Variants in UBE2W observed in about 807,000 individuals in gnomAD.
The protein encoded by UBE2W is ubiquitin conjugating enzyme E2 W, also known as ubiquitin-conjugating enzyme E2 W.
A neutral mutation model predicts 27.2 loss-of-function variants in UBE2W; 18 were observed. That is an observed-to-expected ratio of 0.66 (90% CI 0.46 to 0.98). The LOEUF is 0.98. Ranked by LOEUF, UBE2W falls within the 50% of genes least tolerant of loss-of-function variation. The probability of loss-of-function intolerance (pLI) is 0.00; values close to 1 mark genes in which losing one functional copy is unlikely to be tolerated. For synonymous variants in UBE2W, 53 were observed against 57.2 expected (o/e 0.93, Z 0.33); for missense variants, 90 against 180.2 (o/e 0.50, Z 2.87).
downstream of UBE2W, among the ~76,000 whole-genome samples, chr8:73,783,792 T>G (rs1807886355): frequency 6.6e-6 from 1 of 152,192 alleles, no homozygotes; most frequent in South Asian, 2.1e-4. Context: ...AGATGGAGGC[T>G]TGCTCGGTTG....
At position 73,792,122 on chromosome 8, in the gene UBE2W, C is replaced by T. The variant is rs1808230004; in HGVS notation, c.*1980G>A. ...AGCAGTTACGCAAAATATGAAAATA[C>T]ATAATTTACAGCTGCAATTTTCATA... On this transcript the variant is annotated 3_prime_UTR_variant, in exon 6 of 6. Transcript: ENST00000602593. 1 of 984,982 alleles carries T rather than the reference C, an allele frequency of 1.0e-6. No individual in the cohort carries two copies. The highest frequency in any genetic ancestry group is 1.2e-6 in the Non-Finnish European group (1 of 829,730). 61.0% of individuals were successfully genotyped at this position (984,982 alleles called of 1,614,324 possible). A position where few individuals can be genotyped will look rare whatever the true frequency, so the allele number is the denominator to read the frequency against.
At chr8:73,840,504 T>C (rs1337542381) in intron 1 of UBE2W, among the ~76,000 whole-genome samples, 2 of 152,270 alleles carry the variant, frequency 1.3e-5, no homozygotes, top group African/African-American at 4.8e-5. Context: ...GAACAGAATA[T>C]ATCCTTCTGA....
At chr8:73,835,326 C>A (rs544296462) in intron 1 of UBE2W, among the ~76,000 whole-genome samples, 174 of 152,238 alleles carry the variant, frequency 1.1e-3, no homozygotes, top group East Asian at 6.2e-3. Flanking sequence ...TAATTCCCAA[C>A]AAACTCTAAA....
chr8:73,856,333 T>C (rs1046238734), intron 1 of UBE2W, among the ~76,000 whole-genome samples: 6 of 149,992 alleles, frequency 4.0e-5, no homozygotes, highest in African/African-American at 9.7e-5. Context: ...CACTTAAACA[T>C]AGACAAATTA....
rs1808075015 is a variant in UBE2W, at chr8:73,788,886, T to A, written c.*5216A>T. On this transcript the variant is annotated 3_prime_UTR_variant, in exon 6 of 6. Coordinates refer to ENST00000602593, the MANE Select transcript of UBE2W (RefSeq NM_018299.6). ...CATATTAAAACTGGAGTTCTTGAGG[T>A]ATGTTAAGATAGATCAGCTTCTATT... 1.0e-6 allele frequency: 1 copy of A among 985,232 alleles called. No individual in the cohort carries two copies. 61.0% of individuals were successfully genotyped at this position (985,232 alleles called of 1,614,324 possible).
In UBE2W at chr8:73,865,180, C is replaced by CAAAAAAA. The variant is rs11354153; in HGVS notation, c.15+13621_15+13627dup. Reference sequence around the variant, plus strand: ...CACTGCTCTTTAAGTGTGCAAACGTCAAAAAAAAAAAAAAAAAAAAAAAAA... The same window carrying CAAAAAAA: ...CACTGCTCTTTAAGTGTGCAAACGTCAAAAAAAAAAAAAAAAAAAAAAAAAAAAAAAA... On this transcript the variant is annotated intron_variant, in intron 1 of 5. Transcript: ENST00000602593. 2.7e-3 allele frequency among the ~76,000 whole-genome samples: 88 copies of CAAAAAAA among 32,858 alleles called. 16 individuals carry two copies. Among genetic ancestry groups the CAAAAAAA allele is most frequent in the Middle Eastern group, 0.024 (1 of 42 alleles). 21.6% of individuals were successfully genotyped at this position (32,858 alleles called of 152,430 possible).
chr8:73,805,472 C>CAAAAAAAACAAAAAAAAAAAAAAAAAA (rs1554579996), intron 5 of UBE2W, among the ~76,000 whole-genome samples, 179 bp downstream of exon 5: 1 of 43,676 alleles, frequency 2.3e-5, no homozygotes, highest in Non-Finnish European at 5.0e-5. Flanking sequence ...AAAAAAAAAA[C>CAAAAAAAACAAAAAAAAAAAAAAAAAA]AAAAAAAACT....
At chr8:73,821,938 A>C (rs1418746947) in intron 3 of UBE2W, among the ~76,000 whole-genome samples, 1 of 152,204 alleles carries the variant, frequency 6.6e-6, no homozygotes. Flanking sequence ...CAAGGCCTGT[A>C]AAGTGTGCCA....
chr8:73,814,550 G>A (rs1809307423), intron 3 of UBE2W, among the ~76,000 whole-genome samples: 1 of 151,836 alleles, frequency 6.6e-6, no homozygotes, highest in African/African-American at 2.4e-5. Flanking sequence ...ATGGAGTCTC[G>A]CACTGTTGCC....
At chr8:73,851,670 G>A (rs1448703568) in intron 1 of UBE2W, among the ~76,000 whole-genome samples, 1 of 152,068 alleles carries the variant, frequency 6.6e-6, no homozygotes, top group Admixed American at 6.6e-5. Context: ...GGAAAGACAG[G>A]CTGAAAACTA....
intron 1 of UBE2W, among the ~76,000 whole-genome samples, chr8:73,865,639 G>A (rs1185062912): frequency 1.3e-5 from 2 of 151,956 alleles, no homozygotes; most frequent in African/African-American, 4.8e-5. Flanking sequence ...TGCCCAACAA[G>A]GTAATTTTCT....
At position 73,788,340 on chromosome 8, in the gene UBE2W, G is replaced by A; in HGVS notation, c.*5762C>T. The A allele has an allele frequency of 1.0e-6, 1 of 985,328 alleles. No homozygotes were observed. Among genetic ancestry groups the A allele is most frequent in the African/African-American group, 1.7e-5 (1 of 57,324 alleles). 61.0% of individuals were successfully genotyped at this position (985,328 alleles called of 1,614,324 possible). On this transcript the variant is annotated 3_prime_UTR_variant, in exon 6 of 6. Coordinates refer to ENST00000602593, the MANE Select transcript of UBE2W (RefSeq NM_018299.6). ...ACATCCACCCTATTCAAATCCTCAAGCATGAGCTTTCATTCCTATTAATAA... is the reference window on the plus strand; with the variant it reads ...ACATCCACCCTATTCAAATCCTCAAACATGAGCTTTCATTCCTATTAATAA...
chr8:73,876,081 A>G (rs1812208973), intron 1 of UBE2W, among the ~76,000 whole-genome samples: 1 of 151,982 alleles, frequency 6.6e-6, no homozygotes, highest in African/African-American at 2.4e-5. Flanking sequence ...AAACACAATT[A>G]ACTTAAATAT....
chr8:73,790,598 T>C lies in UBE2W; in HGVS notation c.*3504A>G. The C allele has an allele frequency of 5.1e-6, 5 of 985,088 alleles. No homozygotes were observed. The highest frequency in any genetic ancestry group is 6.0e-6 in the Non-Finnish European group (5 of 829,634). 61.0% of individuals were successfully genotyped at this position (985,088 alleles called of 1,614,324 possible). A position where few individuals can be genotyped will look rare whatever the true frequency, so the allele number is the denominator to read the frequency against. On this transcript the variant is annotated 3_prime_UTR_variant, in exon 6 of 6. Transcript: ENST00000602593. ...CAAGAAATATAAGCAGCAGTAACCA[T>C]AAAGGCTTAGAACTAGTGACACTGA...
At chr8:73,866,461 T>A (rs1367546098) in intron 1 of UBE2W, among the ~76,000 whole-genome samples, 1 of 151,054 alleles carries the variant, frequency 6.6e-6, no homozygotes. Flanking sequence ...GACTCTCAGC[T>A]TGGTCCTATA....
chr8:73,803,078 A>G (rs566778099), intron 5 of UBE2W, among the ~76,000 whole-genome samples: 1 of 150,538 alleles, frequency 6.6e-6, no homozygotes, highest in Non-Finnish European at 1.5e-5. Context: ...TCAGCTGGGC[A>G]TGGTGGCGCG....
chr8:73,834,436 A>C (rs1033466270), intron 1 of UBE2W, among the ~76,000 whole-genome samples: 2 of 152,210 alleles, frequency 1.3e-5, no homozygotes, highest in Admixed American at 1.3e-4. Context: ...AACTTTCCAT[A>C]TACTAACTTG....
intron 3 of UBE2W, among the ~76,000 whole-genome samples, chr8:73,821,554 T>G (rs1224421818): frequency 3.7e-3 from 5 of 1,366 alleles, no homozygotes; most frequent in Admixed American, 8.8e-3. Flanking sequence ...GGAGTGTGTG[T>G]GTGGGGGGGG....
At chr8:73,827,143 T>C (rs1809873660) in intron 2 of UBE2W, among the ~76,000 whole-genome samples, 1 of 152,208 alleles carries the variant, frequency 6.6e-6, no homozygotes, top group Non-Finnish European at 1.5e-5. Flanking sequence ...CATCAATCCT[T>C]GTAATATCTG....
Sources: gnomAD v4.1 joint callset for allele counts (sites outside exome capture counted in the v4.1 genomes callset) on GRCh38, gnomAD v4.1.1 for gene constraint, MANE v1.5 for transcripts, NCBI Gene and HGNC (gene_info 2026-07-23, HGNC 2026-07-21) for gene names.